L3MBTL3: variants seen among roughly 807,000 people sequenced by gnomAD.
L3MBTL3 encodes the protein L3MBTL histone methyl-lysine binding protein 3.
A neutral mutation model predicts 102.3 loss-of-function variants in L3MBTL3; 27 were observed. That is an observed-to-expected ratio of 0.26 (90% CI 0.19 to 0.36). The LOEUF (loss-of-function observed/expected upper bound fraction) is 0.36, where lower values mean the gene tolerates loss of function less well. Among genes scored for constraint, L3MBTL3 ranks in the 10% least tolerant of loss-of-function variants. The pLI, the probability that L3MBTL3 is intolerant of heterozygous loss-of-function variation, is 1.00. For missense variants in L3MBTL3, 798 were observed against 955.3 expected (o/e 0.84, Z 2.17); for synonymous variants, 340 against 320.9 (o/e 1.06, Z -0.64).
intron 2 of L3MBTL3, among the ~76,000 whole-genome samples, chr6:130,040,603 T>C (rs969293862): frequency 2.0e-5 from 3 of 152,218 alleles, no homozygotes; most frequent in African/African-American, 7.2e-5. Context: ...AAAATCCTGA[T>C]TTTTCTCTTG....
chr6:130,121,279 G>C (rs1193459561), intron 20 of L3MBTL3, among the ~76,000 whole-genome samples: 1 of 152,096 alleles, frequency 6.6e-6, no homozygotes, highest in Non-Finnish European at 1.5e-5. Context: ...CTTCGTGTTT[G>C]TAGGTTCTCA....
intron 13 of L3MBTL3, among the ~76,000 whole-genome samples, chr6:130,077,748 A>G (rs1783048278): frequency 6.6e-6 from 1 of 152,176 alleles, no homozygotes; most frequent in African/African-American, 2.4e-5. Context: ...TTTCCCATCA[A>G]GAGGGCTGTG....
intron 13 of L3MBTL3, among the ~76,000 whole-genome samples, chr6:130,072,377 C>G (rs1782694736): frequency 1.3e-5 from 2 of 152,136 alleles, no homozygotes; most frequent in African/African-American, 4.8e-5. Context: ...GTAAAAGGGA[C>G]TTGAGCATCC....
chr6:130,135,227 A>ATTT (rs902121623), intron 22 of L3MBTL3, among the ~76,000 whole-genome samples: 1 of 151,150 alleles, frequency 6.6e-6, no homozygotes, highest in African/African-American at 2.4e-5. Context: ...CGCTCGGCTA[A>ATTT]TTTTTTTTGT....
At chr6:130,022,153 G>T (rs1779057732) in intron 1 of L3MBTL3, 74 bp from the exon 2 acceptor site, 1 of 152,240 alleles carries the variant, frequency 6.6e-6, no homozygotes, top group South Asian at 2.1e-4. Context: ...CTTAACTGGG[G>T]ATGGTGGATT....
At chr6:130,093,653 A>G (rs1582549473) in intron 17 of L3MBTL3, among the ~76,000 whole-genome samples, 1 of 152,254 alleles carries the variant, frequency 6.6e-6, no homozygotes, top group Non-Finnish European at 1.5e-5. Context: ...TTGTAAGACA[A>G]GAAGTTAAAA....
At chr6:130,051,580 A>G (rs1209954657) in intron 6 of L3MBTL3, among the ~76,000 whole-genome samples, 172 bp downstream of exon 6, 1 of 152,164 alleles carries the variant, frequency 6.6e-6, no homozygotes, top group Non-Finnish European at 1.5e-5. Context: ...GGACCTGGTG[A>G]CGTCTGTCAT....
intron 1 of L3MBTL3, among the ~76,000 whole-genome samples, chr6:130,021,505 A>G (rs1478198962): frequency 1.3e-5 from 2 of 152,210 alleles, no homozygotes; most frequent in East Asian, 1.9e-4. Flanking sequence ...ATTGGAAACA[A>G]TTGTTTGCTT....
At chr6:130,064,737 G>A (rs1016387773) in intron 10 of L3MBTL3, among the ~76,000 whole-genome samples, 10 of 152,262 alleles carry the variant, frequency 6.6e-5, no homozygotes, top group African/African-American at 2.2e-4. Context: ...GCTTGAGAAG[G>A]ACGAGCTAGG....
In L3MBTL3 at chr6:130,055,258, G is replaced by T; in HGVS notation, c.667+3G>T. ...GGATTCGGCTGTACTAAAGCAGGGT[G>T]AGCTGATGAAAATAAAGTCTTACTT... On this transcript the variant is annotated splice_donor_region_variant and intron_variant, in intron 8 of 22. Transcript: ENST00000361794. 6.2e-7 allele frequency: 1 copy of T among 1,606,564 alleles called. No homozygotes were observed. The highest frequency in any genetic ancestry group is 8.5e-7 in the Non-Finnish European group (1 of 1,176,396).
At chr6:130,026,217 A>G (rs1779336048) in intron 2 of L3MBTL3, among the ~76,000 whole-genome samples, 2 of 152,156 alleles carry the variant, frequency 1.3e-5, no homozygotes, top group African/African-American at 4.8e-5. Flanking sequence ...TCCAAAAAAT[A>G]CTTTGAGTGC....
rs779957557 is a variant in L3MBTL3 at position 130,057,386 on chromosome 6, C to T, written c.668-20C>T. ...CTTAGATTTGGAAATTCTGTCATTTCCGTCTTGCTTGCCTTTCAGGTTTGC... is the reference window on the plus strand; with the variant it reads ...CTTAGATTTGGAAATTCTGTCATTTTCGTCTTGCTTGCCTTTCAGGTTTGC... On this transcript the variant is annotated intron_variant, in intron 8 of 22. Transcript: ENST00000361794. 8 of 1,585,326 alleles carry T rather than the reference C, an allele frequency of 5.0e-6. No homozygotes were observed. The highest frequency in any genetic ancestry group is 3.4e-6 in the Non-Finnish European group (4 of 1,163,864).
At chr6:130,028,746 G>A (rs925208913) in intron 2 of L3MBTL3, among the ~76,000 whole-genome samples, 1 of 152,210 alleles carries the variant, frequency 6.6e-6, no homozygotes, top group Non-Finnish European at 1.5e-5. Flanking sequence ...TCAAGTGTGA[G>A]TTTAGATTTT....
At chr6:130,102,091 A>G (rs563380126) in intron 18 of L3MBTL3, among the ~76,000 whole-genome samples, 1 of 150,380 alleles carries the variant, frequency 6.6e-6, no homozygotes, top group South Asian at 2.1e-4. Context: ...TAGTCATTCT[A>G]TCTCAGGGGG....
chr6:130,042,493 C>T (rs1001202661), intron 2 of L3MBTL3, among the ~76,000 whole-genome samples, 192 bp from the exon 3 acceptor site: 1 of 152,058 alleles, frequency 6.6e-6, no homozygotes, highest in Non-Finnish European at 1.5e-5. Flanking sequence ...TATTTTTTCT[C>T]TATACTTTTC....
intron 20 of L3MBTL3, among the ~76,000 whole-genome samples, chr6:130,122,181 T>A (rs2114274180): frequency 6.6e-6 from 1 of 152,354 alleles, no homozygotes; most frequent in African/African-American, 2.4e-5. Flanking sequence ...ACTTTGCTTT[T>A]CATGTAAATA....
chr6:130,118,524 C>T (rs1270008887), intron 19 of L3MBTL3, among the ~76,000 whole-genome samples: 1 of 152,206 alleles, frequency 6.6e-6, no homozygotes, highest in Admixed American at 6.5e-5. Flanking sequence ...CACCTTTCCA[C>T]TCTCTAGCTA....
At chr6:130,118,190 G>C (rs567816519) in intron 19 of L3MBTL3, among the ~76,000 whole-genome samples, 1 of 152,044 alleles carries the variant, frequency 6.6e-6, no homozygotes, top group African/African-American at 2.4e-5. Flanking sequence ...AATAAAAGAC[G>C]ATTGAATCCA....
chr6:130,128,550 C>G lies in L3MBTL3; in HGVS notation c.1967-4902C>G, dbSNP rs577153783. Among the ~76,000 whole-genome samples the G allele has an allele frequency of 2.0e-5, 3 of 152,250 alleles. No homozygotes were observed. In the East Asian group the frequency reaches 5.8e-4, roughly 29 times the overall value. ...TCACAGGATGTTGTAGATTCCACTT[C>G]TGCTTATGTCCGTTAGTCATATGGC... On this transcript the variant is annotated intron_variant, in intron 20 of 22. Coordinates refer to ENST00000361794, the MANE Select transcript of L3MBTL3 (RefSeq NM_032438.4).
Sources: allele counts gnomAD v4.1 joint callset (sites outside exome capture counted in the v4.1 genomes callset), GRCh38; gene constraint gnomAD v4.1.1; transcripts MANE v1.5; gene names NCBI Gene and HGNC (gene_info 2026-07-23, HGNC 2026-07-21).